Variants in MFSD6 observed in about 807,000 individuals in gnomAD.
MFSD6 encodes major facilitator superfamily domain-containing protein 6.
In MFSD6, 26 loss-of-function variants were observed where a neutral mutation model predicts 56.3. The observed-to-expected ratio is 0.46, with a 90% CI of 0.34 to 0.64. The LOEUF is 0.64. Ranked by LOEUF, MFSD6 falls within the 30% of genes least tolerant of loss-of-function variation. MFSD6 has a pLI of 0.01. For missense variants in MFSD6, 750 were observed against 986.2 expected (o/e 0.76, Z 3.21); for synonymous variants, 331 against 366.9 (o/e 0.90, Z 1.12).
At chr2:190,455,347 A>T (rs186133422) in intron 3 of MFSD6, among the ~76,000 whole-genome samples, 2 of 152,298 alleles carry the variant, frequency 1.3e-5, no homozygotes, top group East Asian at 3.9e-4. Flanking sequence ...ATCTTTGTGA[A>T]ACAAGATTTT....
chr2:190,449,021 G>T (rs1686680192), intron 3 of MFSD6, among the ~76,000 whole-genome samples: 1 of 152,154 alleles, frequency 6.6e-6, no homozygotes. Flanking sequence ...AAATACCTCA[G>T]GTAAACATTG....
At position 190,459,612 on chromosome 2, in the gene MFSD6, C is replaced by G. The variant is rs1414161881; in HGVS notation, c.1533-10146C>G. Among the ~76,000 whole-genome samples the G allele has an allele frequency of 6.6e-6, 1 of 152,042 alleles. No individual in the cohort carries two copies. Among genetic ancestry groups the G allele is most frequent in the African/African-American group, 2.4e-5 (1 of 41,398 alleles). ...GTTTTAAACATCTCTAGTTTTCTACCTGGAGATACACACAACTTAAGAAAA... is the reference window on the plus strand; with the variant it reads ...GTTTTAAACATCTCTAGTTTTCTACGTGGAGATACACACAACTTAAGAAAA... On this transcript the variant is annotated intron_variant, in intron 3 of 7. Transcript: ENST00000392328. The surrounding 1 kb of genome is among the most constrained non-coding windows in gnomAD (Gnocchi z 5.3).
intron 3 of MFSD6, among the ~76,000 whole-genome samples, chr2:190,455,934 C>CTTTTTTTTTTTTTTTTT (rs34054506): frequency 1.5e-5 from 1 of 65,370 alleles, no homozygotes; most frequent in African/African-American, 6.6e-5. Context: ...ATTTACTCTG[C>CTTTTTTTTTTTTTTTTT]TTTTTTTTTT....
In MFSD6 at chr2:190,431,391, C is replaced by T. The variant is rs1685991942; in HGVS notation, c.-53-4586C>T. Reference sequence around the variant, plus strand: ...GAGGTTGTAGCGAGCCGAGATCACCCCACTGCACTCCAGCCTGGGCACCAT... The same window carrying T: ...GAGGTTGTAGCGAGCCGAGATCACCTCACTGCACTCCAGCCTGGGCACCAT... On this transcript the variant is annotated intron_variant, in intron 2 of 7. Transcript: ENST00000392328. The surrounding 1 kb of genome is among the most constrained non-coding windows in gnomAD (Gnocchi z 4.4). Among the ~76,000 whole-genome samples the T allele has an allele frequency of 6.6e-6, 1 of 152,216 alleles. No individual in the cohort carries two copies. The highest frequency in any genetic ancestry group is 1.5e-5 in the Non-Finnish European group (1 of 68,040).
rs1374334850 is a variant in MFSD6, at chr2:190,443,353, C to T, written c.1532+5792C>T. The stretch of plus-strand genomic sequence containing the variant: ...TCTATAAATAGGGATATTATTAGTA[C>T]CTGCTTCTTAGGGTTTTTTATGAAG... On this transcript the variant is annotated intron_variant, in intron 3 of 7. Transcript: ENST00000392328. The surrounding 1 kb of genome is among the most constrained non-coding windows in gnomAD (Gnocchi z 4.2). Among the ~76,000 whole-genome samples, 4 of 152,084 alleles carry T rather than the reference C, an allele frequency of 2.6e-5. No homozygotes were observed. The highest frequency in any genetic ancestry group is 5.9e-5 in the Non-Finnish European group (4 of 68,018).
At chr2:190,464,371 G>A (rs1260036820) in intron 3 of MFSD6, among the ~76,000 whole-genome samples, 1 of 152,164 alleles carries the variant, frequency 6.6e-6, no homozygotes, top group African/African-American at 2.4e-5. Context: ...TGGTGGTGCT[G>A]CTCTTTTGCG....
rs1390894165 is a variant in MFSD6 at position 190,491,181 on chromosome 2, G to T, written c.1891+1315G>T. Among the ~76,000 whole-genome samples the T allele has an allele frequency of 6.6e-6, 1 of 152,182 alleles. No individual in the cohort carries two copies. Among genetic ancestry groups the T allele is most frequent in the East Asian group, 1.9e-4 (1 of 5,202 alleles). On this transcript the variant is annotated intron_variant, in intron 6 of 7. Coordinates refer to ENST00000392328, the MANE Select transcript of MFSD6 (RefSeq NM_017694.4). The surrounding 1 kb of genome is among the most constrained non-coding windows in gnomAD (Gnocchi z 4.2). ...AGCAATCAAATTTTAACTCATCTTT[G>T]ATTAGTGAGAATATGGTACTGGGTT...
At position 190,496,658 on chromosome 2, in the gene MFSD6, ATGTGTGTGTATG is replaced by A. The variant is rs1559145516; in HGVS notation, c.1892-769_1892-758del. ...TGTGTATATATATGTATATGTGTAT[ATGTGTGTGTATG>A]TGTGTGTGTATATACACACACACAC... is the stretch of plus-strand genomic sequence containing the variant. On this transcript the variant is annotated intron_variant, in intron 6 of 7. Coordinates refer to ENST00000392328, the MANE Select transcript of MFSD6 (RefSeq NM_017694.4). This position sits in a 1 kb window ranked among gnomAD's most constrained non-coding sequence, Gnocchi z 4.7. Among the ~76,000 whole-genome samples the A allele has an allele frequency of 1.3e-5, 2 of 151,794 alleles. No homozygotes were observed. The highest frequency in any genetic ancestry group is 4.9e-5 in the African/African-American group (2 of 41,174).
At position 190,433,280 on chromosome 2, in the gene MFSD6, AT is replaced by A. The variant is rs201660111; in HGVS notation, c.-53-2695del. 1.8e-3 allele frequency: 276 copies of A among 152,364 alleles called. No individual in the cohort carries two copies. Among genetic ancestry groups the A allele is most frequent in the African/African-American group, 5.6e-3 (232 of 41,584 alleles). The allele number at this position is 152,364 out of a possible 1,614,324, so 9.4% of individuals were successfully genotyped here. On this transcript the variant is annotated intron_variant, in intron 2 of 7. Transcript: ENST00000392328. This position sits in a 1 kb window ranked among gnomAD's most constrained non-coding sequence, Gnocchi z 4.5. ...TTTGAATTTTGAGCTCAGGAATTAA[AT>A]TAATTTAGAAAATAGATTTGAGGGC...
At chr2:190,478,862 C>T (rs566876943) in intron 4 of MFSD6, among the ~76,000 whole-genome samples, 32 of 152,050 alleles carry the variant, frequency 2.1e-4, no homozygotes, top group South Asian at 4.2e-4. Context: ...AAGTCTGTCT[C>T]TTTATCCTAC....
chr2:190,440,777 C>T (rs1233362623), intron 3 of MFSD6, among the ~76,000 whole-genome samples: 1 of 152,154 alleles, frequency 6.6e-6, no homozygotes, highest in East Asian at 1.9e-4. Flanking sequence ...GTTACATTAC[C>T]TATTATTAGC....
chr2:190,483,019 G>A (rs1688784407), intron 4 of MFSD6, among the ~76,000 whole-genome samples: 2 of 150,920 alleles, frequency 1.3e-5, no homozygotes, highest in African/African-American at 2.4e-5. Flanking sequence ...AGCCTCCCGA[G>A]TAGCTGGGAC....
chr2:190,497,728 C>G lies in MFSD6; in HGVS notation c.2172+9C>G. 6.2e-7 allele frequency: 1 copy of G among 1,606,708 alleles called. No homozygotes were observed. Among genetic ancestry groups the G allele is most frequent in the Non-Finnish European group, 8.5e-7 (1 of 1,174,304 alleles). On this transcript the variant is annotated intron_variant, in intron 7 of 7. Transcript: ENST00000392328. This position sits in a 1 kb window ranked among gnomAD's most constrained non-coding sequence, Gnocchi z 5.2. ...AGATACAGCCTTTACAGGTACAGTT[C>G]CTTTGCTGGGCTAGCAATATTACCT...
At chr2:190,449,710 T>C in intron 3 of MFSD6, among the ~76,000 whole-genome samples, 1 of 152,068 alleles carries the variant, frequency 6.6e-6, no homozygotes, top group Non-Finnish European at 1.5e-5. Context: ...TCATGTCCTT[T>C]GTAGGGACAT....
Position 190,454,406 on chromosome 2 carries a change from G to A in MFSD6, c.1533-15352G>A, listed in dbSNP as rs889573863. ...GACCCCCAATGTGATGCTATTTAGA[G>A]ATGGGATCTTTGGGAGGTAATGAAG... is the stretch of plus-strand genomic sequence containing the variant. On this transcript the variant is annotated intron_variant, in intron 3 of 7. Transcript: ENST00000392328. The surrounding 1 kb of genome is among the most constrained non-coding windows in gnomAD (Gnocchi z 4.6). The A allele has an allele frequency of 6.6e-6, 1 of 152,220 alleles. No homozygotes were observed. Among genetic ancestry groups the A allele is most frequent in the Non-Finnish European group, 1.5e-5 (1 of 68,080 alleles). The allele number at this position is 152,220 out of a possible 1,614,324, so 9.4% of individuals were successfully genotyped here.
rs182098768 is a variant in MFSD6, at chr2:190,463,420, A to C, written c.1533-6338A>C. 2.8e-4 allele frequency among the ~76,000 whole-genome samples: 43 copies of C among 152,226 alleles called. No homozygotes were observed. The highest frequency in any genetic ancestry group is 9.6e-4 in the African/African-American group (40 of 41,518). On this transcript the variant is annotated intron_variant, in intron 3 of 7. Transcript: ENST00000392328. This position sits in a 1 kb window ranked among gnomAD's most constrained non-coding sequence, Gnocchi z 4.4. Reference sequence around the variant, plus strand: ...GCTTGTGCTGAGCACAGGAGTCTCCACTCTAATCAGCAGCTGATGTCTGCC... The same window carrying C: ...GCTTGTGCTGAGCACAGGAGTCTCCCCTCTAATCAGCAGCTGATGTCTGCC...
At chr2:190,428,851 T>TTTTAG (rs1685867920) in intron 2 of MFSD6, among the ~76,000 whole-genome samples, 1 of 152,034 alleles carries the variant, frequency 6.6e-6, no homozygotes, top group Admixed American at 6.6e-5. Context: ...TTTTTTAGTT[T>TTTTAG]TAATAGAGAT....
chr2:190,435,976 G>C lies in MFSD6; in HGVS notation c.-53-1G>C. On this transcript the variant is annotated splice_acceptor_variant, in intron 2 of 7. Coordinates refer to ENST00000392328, the MANE Select transcript of MFSD6 (RefSeq NM_017694.4). LOFTEE classifies it low-confidence loss of function (5UTR_SPLICE). ...GCCATCTTTTAAATTTTACTTTACAGATCAACAGTACAAATTCTGAAGTTT... is the reference window on the plus strand; with the variant it reads ...GCCATCTTTTAAATTTTACTTTACACATCAACAGTACAAATTCTGAAGTTT... 6.5e-7 allele frequency: 1 copy of C among 1,541,806 alleles called. No homozygotes were observed.
Position 190,500,352 on chromosome 2 carries a change from T to G in MFSD6, c.*134T>G. The stretch of plus-strand genomic sequence containing the variant: ...ATATGCTTCTAAATATCTAAACTCA[T>G]TAACATGGAAACACACACACAGGAG... On this transcript the variant is annotated 3_prime_UTR_variant, in exon 8 of 8. Coordinates refer to ENST00000392328, the MANE Select transcript of MFSD6 (RefSeq NM_017694.4). The surrounding 1 kb of genome is among the most constrained non-coding windows in gnomAD (Gnocchi z 5.3). The G allele has an allele frequency of 1.1e-6, 1 of 887,044 alleles. No individual in the cohort carries two copies. Among genetic ancestry groups the G allele is most frequent in the Non-Finnish European group, 1.7e-6 (1 of 587,588 alleles). 54.9% of individuals were successfully genotyped at this position (887,044 alleles called of 1,614,324 possible). A position where few individuals can be genotyped will look rare whatever the true frequency, so the allele number is the denominator to read the frequency against.
Sources: allele counts gnomAD v4.1 joint callset (sites outside exome capture counted in the v4.1 genomes callset), GRCh38; gene constraint gnomAD v4.1.1; non-coding constraint Gnocchi (gnomAD v3.1); transcripts MANE v1.5; gene names NCBI Gene and HGNC (gene_info 2026-07-23, HGNC 2026-07-21).